Variants in SLC30A9 observed in about 807,000 individuals in gnomAD.
SLC30A9 encodes solute carrier family 30 member 9.
In SLC30A9, 58 loss-of-function variants were observed where a neutral mutation model predicts 87.5. That is an observed-to-expected ratio of 0.66 (90% CI 0.54 to 0.82). The LOEUF is 0.82. SLC30A9 is among the 40% of genes least tolerant of loss of function. SLC30A9 has a pLI of 0.00. For synonymous variants in SLC30A9, 234 were observed against 233.0 expected, an observed-to-expected ratio of 1.00 and a Z score of -0.04; for missense variants, 557 against 679.1, an observed-to-expected ratio of 0.82 and a Z score of 2.00.
At chr4:41,995,990 G>GT (rs143080416) in intron 1 of SLC30A9, among the ~76,000 whole-genome samples, 7,326 of 152,224 alleles carry the variant, frequency 0.048, 245 homozygotes, top group African/African-American at 0.077. Flanking sequence ...GATTTTAGGT[G>GT]TGAGCCACTG....
intron 10 of SLC30A9, among the ~76,000 whole-genome samples, 193 bp downstream of exon 10, chr4:42,060,439 G>C (rs1266833386): frequency 6.6e-6 from 1 of 152,104 alleles, no homozygotes; most frequent in Non-Finnish European, 1.5e-5. Flanking sequence ...TGAAAATGGA[G>C]TTCAAGTTAT....
At chr4:42,085,759 T>C (rs1403921242) in intron 17 of SLC30A9, among the ~76,000 whole-genome samples, 1 of 152,012 alleles carries the variant, frequency 6.6e-6, no homozygotes, top group Non-Finnish European at 1.5e-5. Context: ...TTATTATTGT[T>C]TTGCAGTGAT....
intron 6 of SLC30A9, among the ~76,000 whole-genome samples, chr4:42,031,387 TTAAA>T (rs1358148034): frequency 6.6e-6 from 1 of 152,230 alleles, no homozygotes; most frequent in Non-Finnish European, 1.5e-5. Context: ...TCAAAATCCA[TTAAA>T]TAGTGCAGTT....
intron 17 of SLC30A9, among the ~76,000 whole-genome samples, chr4:42,085,415 G>A (rs7698819): frequency 0.65 from 99,362 of 152,158 alleles, 36,945 homozygotes; most frequent in East Asian, 0.96. Context: ...TAATTTCTTC[G>A]TACTTCAGTT....
Position 42,022,902 on chromosome 4 carries a change from G to A in SLC30A9, c.499G>A (p.Val167Ile), listed in dbSNP as rs780740348. The change falls in exon 5 of 18, where the codon GTA (valine) becomes ATA (isoleucine). Residue 167 changes from valine to isoleucine, a missense_variant. Transcript: ENST00000264451. Reference protein sequence around the residue: ...SPHEDTESFTVYLRSDVEAKS... With the variant: ...SPHEDTESFTIYLRSDVEAKS... Reference sequence around the variant, plus strand: ...CCATGAAGATACTGAGTCTTTTACTGTATACTTGAGATCAGATGTGGAAGC... The same window carrying A: ...CCATGAAGATACTGAGTCTTTTACTATATACTTGAGATCAGATGTGGAAGC... The A allele has an allele frequency of 7.5e-6, 12 of 1,589,942 alleles. No homozygotes were observed. Among genetic ancestry groups the A allele is most frequent in the Non-Finnish European group, 2.6e-6 (3 of 1,165,212 alleles).
intron 11 of SLC30A9, among the ~76,000 whole-genome samples, chr4:42,064,412 G>C (rs1249547583): frequency 6.6e-6 from 1 of 151,896 alleles, no homozygotes; most frequent in Non-Finnish European, 1.5e-5. Flanking sequence ...TTAATATCCT[G>C]TTATATCATG....
At chr4:41,991,624 CATTCATGTTCGA>C (rs1714444578) in intron 1 of SLC30A9, among the ~76,000 whole-genome samples, 1 of 152,146 alleles carries the variant, frequency 6.6e-6, no homozygotes, top group Non-Finnish European at 1.5e-5. Context: ...TTTACCGAAA[CATTCATGTTCGA>C]AGCCAGGTGT....
chr4:42,006,637 T>C (rs778591205), intron 2 of SLC30A9, among the ~76,000 whole-genome samples: 106 of 149,438 alleles, frequency 7.1e-4, no homozygotes, highest in Non-Finnish European at 1.2e-3. Flanking sequence ...CAGTGAGCCA[T>C]GATAGTGCCA....
intron 9 of SLC30A9, among the ~76,000 whole-genome samples, chr4:42,050,665 C>T (rs534120531): frequency 6.6e-6 from 1 of 152,316 alleles, no homozygotes; most frequent in Admixed American, 6.5e-5. Context: ...CTTCTGCTTT[C>T]ACCCATGACA....
chr4:42,032,055 G>C (rs1716465865), intron 6 of SLC30A9, among the ~76,000 whole-genome samples: 1 of 152,190 alleles, frequency 6.6e-6, no homozygotes, highest in African/African-American at 2.4e-5. Flanking sequence ...AGATGGAACA[G>C]GTATCTTACA....
chr4:41,991,982 AG>A (rs138850090), intron 1 of SLC30A9, among the ~76,000 whole-genome samples: 10,072 of 152,200 alleles, frequency 0.066, 695 homozygotes, highest in African/African-American at 0.17. Flanking sequence ...GTGATAGAAA[AG>A]TGTAACTGTT....
intron 6 of SLC30A9, among the ~76,000 whole-genome samples, chr4:42,030,581 C>CTT (rs766917053): frequency 7.2e-6 from 1 of 139,138 alleles, no homozygotes; most frequent in African/African-American, 2.9e-5. Context: ...CTGGCATGGT[C>CTT]TTTTTTTTTT....
intron 6 of SLC30A9, among the ~76,000 whole-genome samples, chr4:42,028,173 A>G (rs2153136236): frequency 6.6e-6 from 1 of 152,322 alleles, no homozygotes; most frequent in East Asian, 1.9e-4. Flanking sequence ...GCTGGAGTGC[A>G]GTGGCATGAT....
At chr4:42,061,900 C>CA (rs1223843929) in intron 10 of SLC30A9, among the ~76,000 whole-genome samples, 108 of 113,076 alleles carry the variant, frequency 9.6e-4, no homozygotes, top group Middle Eastern at 9.1e-3. Context: ...AACTCCGTTT[C>CA]AAAAAAAAAA....
chr4:42,063,018 C>T lies in SLC30A9; in HGVS notation c.929C>T (p.Ser310Leu), dbSNP rs777892269. ...YGFSNMRYIS[S>L]LISGVGIFMM... is the part of the protein sequence containing the mutation. ...TTTTCAAATATGCGCTATATTTCTT[C>T]GCTAATTAGTGGTGTTGGTATTTTC... Residue 310 changes from serine (S) to leucine (L), a missense_variant, in exon 11 of 18, where the codon TCG becomes TTG. By Grantham distance (145) the Ser-to-Leu change is moderately radical (BLOSUM62 -2). This residue lies in a region of SLC30A9 where 467 missense variants were observed against 529.8 expected (regional missense o/e 0.88). Coordinates refer to ENST00000264451, the MANE Select transcript of SLC30A9 (RefSeq NM_006345.4). The T allele has an allele frequency of 9.9e-6, 16 of 1,612,888 alleles. No individual in the cohort carries two copies. The highest frequency in any genetic ancestry group is 2.2e-5 in the South Asian group (2 of 90,992).
chr4:42,040,465 T>A (rs1716874932), intron 8 of SLC30A9, among the ~76,000 whole-genome samples: 1 of 151,976 alleles, frequency 6.6e-6, no homozygotes, highest in Non-Finnish European at 1.5e-5. Context: ...AAAGTAAAGA[T>A]CACCTGAGGA....
chr4:42,056,341 C>CA (rs1037635596), intron 9 of SLC30A9, among the ~76,000 whole-genome samples: 3 of 151,298 alleles, frequency 2.0e-5, no homozygotes, highest in African/African-American at 7.3e-5. Flanking sequence ...GGGCAATTTA[C>CA]AAAAAAAAGA....
At chr4:41,991,760 G>A (rs561700459) in intron 1 of SLC30A9, among the ~76,000 whole-genome samples, 2 of 152,186 alleles carry the variant, frequency 1.3e-5, no homozygotes, top group East Asian at 3.9e-4. Context: ...AAAAACATAG[G>A]TTTGAAAAAA....
At chr4:42,050,014 A>G (rs1348345109) in intron 9 of SLC30A9, among the ~76,000 whole-genome samples, 1 of 152,188 alleles carries the variant, frequency 6.6e-6, no homozygotes, top group Non-Finnish European at 1.5e-5. Flanking sequence ...AGAGTGTGGT[A>G]TATTAAGAGG....
Sources: gnomAD v4.1 joint callset for allele counts (sites outside exome capture counted in the v4.1 genomes callset) on GRCh38, gnomAD v4.1.1 for gene constraint, gnomAD v4.1.1 regional missense constraint, MANE v1.5 for transcripts, NCBI Gene and HGNC (gene_info 2026-07-23, HGNC 2026-07-21) for gene names.